Variants in PAPPA observed in about 807,000 individuals in gnomAD.
PAPPA encodes pappalysin-1.
PAPPA carries 60 observed loss-of-function variants against 164.0 expected under a neutral mutation model. The observed-to-expected ratio is 0.37, with a 90% CI of 0.30 to 0.45. PAPPA has a LOEUF of 0.45. Among genes scored for constraint, PAPPA ranks in the 20% least tolerant of loss-of-function variants. The pLI, the probability that PAPPA is intolerant of heterozygous loss-of-function variation, is 1.00. For missense variants in PAPPA, 1,782 were observed against 2,087.3 expected (o/e 0.85, Z 2.85); for synonymous variants, 875 against 814.1 (o/e 1.07, Z -1.27).
rs115462288 is a variant in PAPPA at position 116,343,482 on chromosome 9, C to T, written c.3612-1061C>T. On this transcript the variant is annotated intron_variant, in intron 13 of 21. Coordinates refer to ENST00000328252, the MANE Select transcript of PAPPA (RefSeq NM_002581.5). ...TTGCATGATGCTTAGACCTAAAGAA[C>T]GGGTGGAATTCAGACTGGCAGAAAG... Among the ~76,000 whole-genome samples the T allele has an allele frequency of 7.6e-3, 1,156 of 152,222 alleles. 16 individuals carry two copies. The highest frequency in any genetic ancestry group is 0.026 in the African/African-American group (1,098 of 41,540).
intron 7 of PAPPA, among the ~76,000 whole-genome samples, chr9:116,258,298 A>G (rs1844956652): frequency 6.6e-6 from 1 of 152,068 alleles, no homozygotes; most frequent in South Asian, 2.1e-4. Context: ...TATAATGTAA[A>G]TCAAGACTTT....
At chr9:116,219,896 C>T (rs1298888770) in intron 4 of PAPPA, 41 bp from the exon 5 acceptor site, 2 of 1,541,264 alleles carry the variant, frequency 1.3e-6, no homozygotes. Context: ...GCCTGCCTGC[C>T]TTGCGGCTTG....
chr9:116,312,642 A>G (rs1845734953), intron 10 of PAPPA, among the ~76,000 whole-genome samples: 1 of 152,116 alleles, frequency 6.6e-6, no homozygotes, highest in South Asian at 2.1e-4. Flanking sequence ...AAATGTGTTC[A>G]TTTGTTTTTG....
chr9:116,354,173 A>G (rs886843149), intron 17 of PAPPA, among the ~76,000 whole-genome samples: 3 of 152,202 alleles, frequency 2.0e-5, no homozygotes, highest in Non-Finnish European at 2.9e-5. Flanking sequence ...AGCATAAGGA[A>G]AAAGGGGACC....
At chr9:116,371,379 T>G (rs963358516) in intron 19 of PAPPA, among the ~76,000 whole-genome samples, 6 of 152,182 alleles carry the variant, frequency 3.9e-5, no homozygotes, top group African/African-American at 1.4e-4. Context: ...ATTGTGCCAC[T>G]GCATTCCAGC....
chr9:116,240,750 G>T (rs1844726345), intron 7 of PAPPA, among the ~76,000 whole-genome samples: 1 of 152,142 alleles, frequency 6.6e-6, no homozygotes, highest in Non-Finnish European at 1.5e-5. Context: ...AGCTATCAAG[G>T]GGCAAAGCTG....
intron 2 of PAPPA, among the ~76,000 whole-genome samples, chr9:116,194,153 A>T (rs543158286): frequency 4.9e-4 from 74 of 152,364 alleles, no homozygotes; most frequent in African/African-American, 1.6e-3. Context: ...ATTTAGAATG[A>T]AAGAATTCAG....
chr9:116,398,339 T>G lies in PAPPA; in HGVS notation c.*1723T>G, dbSNP rs985317629. ...ACTAGTTACATCACATAGGGATTAC[T>G]GTAAATCAAGTCATCTCAAGTCTAG... On this transcript the variant is annotated 3_prime_UTR_variant, in exon 22 of 22. Transcript: ENST00000328252. 5.6e-5 allele frequency: 18 copies of G among 322,214 alleles called. No homozygotes were observed. Among genetic ancestry groups the G allele is most frequent in the African/African-American group, 3.7e-4 (17 of 45,856 alleles). The allele number at this position is 322,214 out of a possible 1,614,324, so 20.0% of individuals were successfully genotyped here.
rs1218096952 is a variant in PAPPA at position 116,189,994 on chromosome 9, G to C, written c.1478+1778G>C. 4.6e-5 allele frequency among the ~76,000 whole-genome samples: 7 copies of C among 152,228 alleles called. No homozygotes were observed. In the East Asian group the frequency reaches 1.2e-3, roughly 25 times the overall value. The stretch of plus-strand genomic sequence containing the variant: ...CCAAGACATGAGCAGCCCATGTGAG[G>C]AGAAGCCTTGGTGTGTGACCAGTCT... On this transcript the variant is annotated intron_variant, in intron 2 of 21. Transcript: ENST00000328252.
At chr9:116,238,809 G>A (rs10983085) in intron 7 of PAPPA, among the ~76,000 whole-genome samples, 75,891 of 151,910 alleles carry the variant, frequency 0.5, 20,074 homozygotes, top group Non-Finnish European at 0.6. Context: ...CTCTGAGACT[G>A]AAAAAAGAGA....
chr9:116,208,722 T>G (rs1046862571), intron 3 of PAPPA, among the ~76,000 whole-genome samples: 1 of 152,166 alleles, frequency 6.6e-6, no homozygotes, highest in African/African-American at 2.4e-5. Context: ...GTCTTGGAAA[T>G]GAGAGATTTA....
chr9:116,187,930 C>T lies in PAPPA; in HGVS notation c.1192C>T (p.Leu398=), dbSNP rs2118630457. The T allele has an allele frequency of 6.2e-7, 1 of 1,614,174 alleles. No individual in the cohort carries two copies. Among genetic ancestry groups the T allele is most frequent in the East Asian group, 2.2e-5 (1 of 44,884 alleles). The change falls in exon 2 of 22, where the codon CTG becomes TTG. Residue 398 remains leucine (L), a synonymous_variant. Transcript: ENST00000328252. The surrounding 1 kb of genome is among the most constrained non-coding windows in gnomAD (Gnocchi z 4.2). ...CAACATCTCCTGGGAGCTGGACGTGCTGGAGGTGAGCAACTCCTCCCTTCG... is the reference window on the plus strand; with the variant it reads ...CAACATCTCCTGGGAGCTGGACGTGTTGGAGGTGAGCAACTCCTCCCTTCG... ...QYNISWELDV[L]EVSNSSLRRR...
intron 2 of PAPPA, among the ~76,000 whole-genome samples, chr9:116,202,592 T>C (rs1478743090): frequency 6.6e-6 from 1 of 152,144 alleles, no homozygotes; most frequent in Non-Finnish European, 1.5e-5. Context: ...GACACTGAGT[T>C]ACCACTCTTG....
intron 1 of PAPPA, among the ~76,000 whole-genome samples, chr9:116,179,646 G>C (rs570527503): frequency 2.0e-5 from 3 of 152,170 alleles, no homozygotes; most frequent in Admixed American, 1.3e-4. Context: ...TGATATCCCA[G>C]CCTTCCTCTG....
chr9:116,332,844 C>A, intron 12 of PAPPA: 1 of 176,584 alleles, frequency 5.7e-6, no homozygotes, highest in Non-Finnish European at 1.2e-5. Flanking sequence ...AGTCACATGG[C>A]AGGTCAGGAA....
At chr9:116,348,782 C>A (rs143407681) in intron 15 of PAPPA, among the ~76,000 whole-genome samples, 4 of 152,220 alleles carry the variant, frequency 2.6e-5, no homozygotes, top group African/African-American at 7.2e-5. Context: ...CATTAGTTTG[C>A]TAAGGATGAT....
At chr9:116,167,432 A>C (rs1245018808) in intron 1 of PAPPA, among the ~76,000 whole-genome samples, 1 of 152,154 alleles carries the variant, frequency 6.6e-6, no homozygotes, top group Non-Finnish European at 1.5e-5. Flanking sequence ...ATTTGGTTGA[A>C]TCCACAGATG....
rs749466568 is a variant in PAPPA, at chr9:116,207,519, T to C, written c.1542T>C (p.Asn514=). The C allele has an allele frequency of 1.2e-6, 2 of 1,613,548 alleles. No individual in the cohort carries two copies. The highest frequency in any genetic ancestry group is 3.3e-5 in the Admixed American group (2 of 59,982). Reference sequence around the variant, plus strand: ...AATTGGATGGATCAACACATCTCAATATTTTCTTTGCAAAATCCTCAGAGG... The same window carrying C: ...AATTGGATGGATCAACACATCTCAACATTTTCTTTGCAAAATCCTCAGAGG... ...ILKLDGSTHL[N]IFFAKSSEEE... is the part of the protein sequence containing the mutation. The change falls in exon 3 of 22, where the codon AAT becomes AAC. Residue 514 remains asparagine (N), a synonymous_variant. Coordinates refer to ENST00000328252, the MANE Select transcript of PAPPA (RefSeq NM_002581.5).
chr9:116,317,512 A>G (rs1268783058), intron 10 of PAPPA, among the ~76,000 whole-genome samples: 2 of 152,370 alleles, frequency 1.3e-5, no homozygotes, highest in South Asian at 2.1e-4. Context: ...CAGCAGAGAA[A>G]GCATTTGGAT....
Sources: allele counts gnomAD v4.1 joint callset (sites outside exome capture counted in the v4.1 genomes callset), GRCh38; gene constraint gnomAD v4.1.1; non-coding constraint Gnocchi (gnomAD v3.1); transcripts MANE v1.5; gene names NCBI Gene and HGNC (gene_info 2026-07-23, HGNC 2026-07-21).